The following ABCA10 variants were observed in gnomAD, a reference collection of about 807,000 sequenced individuals.
ABCA10 encodes the protein ATP binding cassette subfamily A member 10, also known as ATP-binding cassette sub-family A member 10.
Under a neutral mutation model 187.5 loss-of-function variants are expected in ABCA10, and 169 were observed. That is an observed-to-expected ratio of 0.90 (90% confidence interval 0.80 to 1.02). The LOEUF is 1.02. Ranked by LOEUF, ABCA10 falls within the 50% of genes least tolerant of loss-of-function variation. The probability of loss-of-function intolerance (pLI) is 0.00; values close to 1 mark genes in which losing one functional copy is unlikely to be tolerated. For synonymous variants in ABCA10, 574 were observed against 601.8 expected (o/e 0.95, Z 0.68); for missense variants, 1,727 against 1,812.4 (o/e 0.95, Z 0.86).
chr17:69,238,447 A>G (rs1298788068), intron 1 of ABCA10, among the ~76,000 whole-genome samples: 1 of 152,170 alleles, frequency 6.6e-6, no homozygotes. Context: ...ATCTATTCCA[A>G]TTACAAATCA....
At chr17:69,204,273 C>T (rs532350828) in intron 9 of ABCA10, among the ~76,000 whole-genome samples, 16 of 152,304 alleles carry the variant, frequency 1.1e-4, no homozygotes, top group African/African-American at 2.9e-4. Context: ...TACTATTTCA[C>T]GTTGCTGGGC....
At chr17:69,171,697 G>C (rs1449385790) in intron 25 of ABCA10, among the ~76,000 whole-genome samples, 1 of 152,162 alleles carries the variant, frequency 6.6e-6, no homozygotes, top group Non-Finnish European at 1.5e-5. Context: ...TAGTCAATGA[G>C]AGAGCCTCTG....
chr17:69,195,482 A>G (rs1364224181), intron 11 of ABCA10, among the ~76,000 whole-genome samples: 3 of 151,216 alleles, frequency 2.0e-5, no homozygotes, highest in Admixed American at 1.3e-4. Context: ...ATTTTCCACA[A>G]TAATGATATT....
upstream of ABCA10, among the ~76,000 whole-genome samples, chr17:69,231,014 C>T (rs967499213): frequency 6.6e-6 from 1 of 152,054 alleles, no homozygotes; most frequent in Non-Finnish European, 1.5e-5. Context: ...ACATTCCCTG[C>T]CCAAATTTCC....
chr17:69,234,042 C>G (rs932048854), intron 1 of ABCA10: 1 of 152,982 alleles, frequency 6.5e-6, no homozygotes, highest in African/African-American at 2.4e-5. Context: ...AGACTGGGGA[C>G]CCTTGGATCT....
In ABCA10 at chr17:69,208,739, C is replaced by G. The variant is rs571611547; in HGVS notation, c.1006+5965G>C. Among the ~76,000 whole-genome samples the G allele has an allele frequency of 3.3e-5, 5 of 152,086 alleles. No homozygotes were observed. In the South Asian group the frequency reaches 1.0e-3, roughly 32 times the overall value. On this transcript the variant is annotated intron_variant, in intron 9 of 38. Coordinates refer to ENST00000690296, the MANE Select transcript of ABCA10 (RefSeq NM_001377321.1). Reference sequence around the variant, plus strand: ...GCCTAAACCAATTAGTTGAAGGACACTTTTAAGAATTTAGATGCCAGGCAC... The same window carrying G: ...GCCTAAACCAATTAGTTGAAGGACAGTTTTAAGAATTTAGATGCCAGGCAC...
chr17:69,149,586 T>C (rs537556344), intron 37 of ABCA10, among the ~76,000 whole-genome samples: 45 of 152,316 alleles, frequency 3.0e-4, no homozygotes, highest in African/African-American at 1.0e-3. Flanking sequence ...GTTGCCTCTG[T>C]ACATTTGCTC....
At chr17:69,159,354 G>A (rs1240254036) in intron 27 of ABCA10, among the ~76,000 whole-genome samples, 2 of 152,040 alleles carry the variant, frequency 1.3e-5, no homozygotes, top group African/African-American at 4.8e-5. Context: ...CAAAAAGATA[G>A]GGGAGAGAGA....
chr17:69,190,889 A>T (rs1325147397), intron 17 of ABCA10, among the ~76,000 whole-genome samples: 1 of 152,036 alleles, frequency 6.6e-6, no homozygotes, highest in Non-Finnish European at 1.5e-5. Context: ...ATAAAGTCTC[A>T]TTTCATCTGT....
At chr17:69,235,509 G>A (rs2049734701) in intron 1 of ABCA10, among the ~76,000 whole-genome samples, 1 of 152,158 alleles carries the variant, frequency 6.6e-6, no homozygotes, top group Admixed American at 6.5e-5. Flanking sequence ...CTCTGGCTCA[G>A]AAGAGTTCTG....
In ABCA10 at chr17:69,202,142, G is replaced by A. The variant is rs188887700; in HGVS notation, c.1007-474C>T. Among the ~76,000 whole-genome samples the A allele has an allele frequency of 4.5e-4, 69 of 152,212 alleles. 1 individual carries two copies. The highest frequency in any genetic ancestry group is 2.1e-3 in the Admixed American group (32 of 15,274). ...AAGTTAAGACAGTGCTGTGGCTTTC[G>A]ATAAGTTATCAGCTATGATTGACAA... On this transcript the variant is annotated intron_variant, in intron 9 of 38. Transcript: ENST00000690296.
intron 3 of ABCA10, among the ~76,000 whole-genome samples, chr17:69,224,859 G>C (rs991875858): frequency 6.6e-6 from 1 of 152,010 alleles, no homozygotes; most frequent in East Asian, 1.9e-4. Context: ...TGCTAAGCTT[G>C]AGTTTGAATT....
chr17:69,155,763 C>CAG (rs748348752), intron 29 of ABCA10, 42 bp downstream of exon 29: 1 of 1,593,532 alleles, frequency 6.3e-7, no homozygotes, highest in South Asian at 1.2e-5. Flanking sequence ...AGAGGACAAA[C>CAG]TATCTGAGCA....
intron 22 of ABCA10, among the ~76,000 whole-genome samples, chr17:69,176,819 C>G (rs2074338546): frequency 1.3e-5 from 2 of 152,076 alleles, no homozygotes; most frequent in Non-Finnish European, 1.5e-5. Flanking sequence ...TATTTTTCAA[C>G]CATGGTTGAC....
intron 37 of ABCA10, among the ~76,000 whole-genome samples, chr17:69,149,549 C>G (rs576800495): frequency 6.6e-6 from 1 of 152,144 alleles, no homozygotes; most frequent in Non-Finnish European, 1.5e-5. Context: ...TGTTTTCTTT[C>G]GCTGACCTTC....
chr17:69,154,512 T>C (rs2074158721), intron 30 of ABCA10, among the ~76,000 whole-genome samples, 186 bp from the exon 31 acceptor site: 1 of 150,612 alleles, frequency 6.6e-6, no homozygotes, highest in South Asian at 2.1e-4. Context: ...GCAGCCTTGA[T>C]CTCCTGGGCT....
chr17:69,183,993 T>C (rs1055772222), intron 20 of ABCA10, among the ~76,000 whole-genome samples: 9 of 152,076 alleles, frequency 5.9e-5, no homozygotes, highest in African/African-American at 2.2e-4. Context: ...TCAGTCCTGC[T>C]CACCAGCTGC....
chr17:69,157,616 T>C (rs1472172536), intron 27 of ABCA10, among the ~76,000 whole-genome samples: 3 of 152,134 alleles, frequency 2.0e-5, no homozygotes, highest in Non-Finnish European at 4.4e-5. Context: ...ACTGGTAGTG[T>C]CCCTGTGAAC....
At chr17:69,234,657 G>C (rs902035785) in intron 1 of ABCA10, 4 of 152,186 alleles carry the variant, frequency 2.6e-5, no homozygotes, top group East Asian at 1.9e-4. Flanking sequence ...TGTTGTTATG[G>C]GGGGTGGCGG....
Sources: allele counts gnomAD v4.1 joint callset (sites outside exome capture counted in the v4.1 genomes callset), GRCh38; gene constraint gnomAD v4.1.1; transcripts MANE v1.5; gene names NCBI Gene and HGNC (gene_info 2026-07-23, HGNC 2026-07-21).